Variants in TMTC2 observed in about 807,000 individuals in gnomAD.
TMTC2 encodes the protein protein O-mannosyl-transferase TMTC2.
Under a neutral mutation model 82.4 loss-of-function variants are expected in TMTC2, and 43 were observed. That is an observed-to-expected ratio of 0.52 (90% CI 0.41 to 0.67). The LOEUF (loss-of-function observed/expected upper bound fraction) is 0.67. TMTC2 is among the 30% of genes least tolerant of loss of function. The pLI is 0.00. For missense variants in TMTC2, 919 were observed against 1,012.4 expected (o/e 0.91, Z 1.25); for synonymous variants, 408 against 381.9 (o/e 1.07, Z -0.80).
rs1876818574 is a variant in TMTC2 at position 82,943,209 on chromosome 12, G to T, written c.1598+12664G>T. 3.3e-5 allele frequency among the ~76,000 whole-genome samples: 5 copies of T among 152,280 alleles called. No individual in the cohort carries two copies. In the South Asian group the frequency reaches 1.0e-3, roughly 32 times the overall value. On this transcript the variant is annotated intron_variant, in intron 4 of 11. Transcript: ENST00000321196. Reference sequence around the variant, plus strand: ...CTATATGGGAATCACAAGTTTGTTTGACAAGCTTGTCTCTCAATGTGTTGA... The same window carrying T: ...CTATATGGGAATCACAAGTTTGTTTTACAAGCTTGTCTCTCAATGTGTTGA...
chr12:83,021,531 G>C (rs1880923309), intron 8 of TMTC2, among the ~76,000 whole-genome samples: 1 of 152,080 alleles, frequency 6.6e-6, no homozygotes, highest in South Asian at 2.1e-4. Context: ...GGATTTTAAG[G>C]TTGCAGTGAG....
chr12:82,748,572 G>A (rs1311157076), intron 1 of TMTC2, among the ~76,000 whole-genome samples: 1 of 151,834 alleles, frequency 6.6e-6, no homozygotes, highest in East Asian at 2.0e-4. Context: ...AATGAACTGA[G>A]TGGATTAAAT....
intron 2 of TMTC2, among the ~76,000 whole-genome samples, chr12:82,863,322 A>T (rs1338233095): frequency 1.3e-5 from 2 of 152,150 alleles, no homozygotes. Context: ...ATCCAGATGT[A>T]GCAAGATGCT....
At chr12:82,986,308 G>T in intron 8 of TMTC2, 2 of 393,614 alleles carry the variant, frequency 5.1e-6, no homozygotes, top group Admixed American at 7.2e-5. Context: ...TTACATCTTG[G>T]TCTAGATAAG....
At chr12:82,776,903 A>G (rs1320207039) in intron 1 of TMTC2, among the ~76,000 whole-genome samples, 1 of 152,090 alleles carries the variant, frequency 6.6e-6, no homozygotes, top group African/African-American at 2.4e-5. Context: ...ATGCCACTCT[A>G]CTCCAACCTG....
chr12:83,078,661 A>G (rs1030834354), intron 11 of TMTC2, among the ~76,000 whole-genome samples: 2 of 152,230 alleles, frequency 1.3e-5, no homozygotes, highest in African/African-American at 4.8e-5. Flanking sequence ...TAGAGAATTC[A>G]GTTTCTTAAC....
rs75809895 is a variant in TMTC2, at chr12:82,984,560, C to T, written c.1949-1365C>T. Among the ~76,000 whole-genome samples, 1,024 of 152,160 alleles carry T rather than the reference C, an allele frequency of 6.7e-3. 16 individuals carry two copies. Among genetic ancestry groups the T allele is most frequent in the African/African-American group, 0.024 (980 of 41,510 alleles). On this transcript the variant is annotated intron_variant, in intron 7 of 11. Transcript: ENST00000321196. ...TTCATTTACAAAAAGCCTCTGATTA[C>T]GCCTCTAAAAGAAAAAGCTGTCATG...
At chr12:82,710,179 A>T (rs1290671516) in intron 1 of TMTC2, among the ~76,000 whole-genome samples, 1 of 152,186 alleles carries the variant, frequency 6.6e-6, no homozygotes, top group Non-Finnish European at 1.5e-5. Context: ...CTCACATTTG[A>T]GGTTTACAAG....
At chr12:82,817,953 G>T (rs1418112898) in intron 1 of TMTC2, among the ~76,000 whole-genome samples, 1 of 152,022 alleles carries the variant, frequency 6.6e-6, no homozygotes, top group African/African-American at 2.4e-5. Flanking sequence ...ATCTTGGGTG[G>T]CATTTTCTGT....
chr12:82,774,306 G>A (rs1303190449), intron 1 of TMTC2, among the ~76,000 whole-genome samples: 1 of 152,062 alleles, frequency 6.6e-6, no homozygotes, highest in African/African-American at 2.4e-5. Context: ...TGTGATAGAA[G>A]TTTATTTCTT....
At chr12:82,841,733 A>G (rs1259099211) in intron 1 of TMTC2, among the ~76,000 whole-genome samples, 1 of 152,182 alleles carries the variant, frequency 6.6e-6, no homozygotes, top group Non-Finnish European at 1.5e-5. Context: ...CTGAAAAGGG[A>G]TGCAGGCAGC....
intron 8 of TMTC2, among the ~76,000 whole-genome samples, chr12:83,012,110 T>A (rs1469149073): frequency 6.6e-6 from 1 of 152,192 alleles, no homozygotes; most frequent in African/African-American, 2.4e-5. Flanking sequence ...TCTCTCTTAT[T>A]ATTAACTATT....
At chr12:82,837,467 C>G (rs546585979) in intron 1 of TMTC2, among the ~76,000 whole-genome samples, 1 of 152,038 alleles carries the variant, frequency 6.6e-6, no homozygotes, top group Admixed American at 6.6e-5. Flanking sequence ...AAAAAGGTTA[C>G]GATGATGACC....
intron 1 of TMTC2, among the ~76,000 whole-genome samples, chr12:82,743,321 A>G (rs1462067485): frequency 1.3e-5 from 2 of 151,944 alleles, no homozygotes; most frequent in African/African-American, 4.8e-5. Context: ...CGTTCCTGTA[A>G]TCATAGCTAC....
chr12:82,946,423 C>T (rs929221888), intron 4 of TMTC2, among the ~76,000 whole-genome samples: 5 of 152,140 alleles, frequency 3.3e-5, no homozygotes, highest in African/African-American at 1.2e-4. Flanking sequence ...CTCTCTTTCT[C>T]CCTTCTTCTC....
intron 3 of TMTC2, among the ~76,000 whole-genome samples, chr12:82,906,957 T>A (rs1009025813): frequency 3.3e-5 from 5 of 152,104 alleles, no homozygotes; most frequent in African/African-American, 4.8e-5. Context: ...ATCTTCTCTA[T>A]TGAGTAGAAA....
At chr12:82,743,330 A>G (rs1433751741) in intron 1 of TMTC2, among the ~76,000 whole-genome samples, 1 of 151,734 alleles carries the variant, frequency 6.6e-6, no homozygotes, top group Non-Finnish European at 1.5e-5. Context: ...AATCATAGCT[A>G]CTCGGTAGGC....
chr12:83,040,907 ATC>A (rs1382669448), intron 9 of TMTC2, among the ~76,000 whole-genome samples: 5 of 151,980 alleles, frequency 3.3e-5, no homozygotes, highest in African/African-American at 9.7e-5. Flanking sequence ...GATGGTCTCG[ATC>A]TCTTGACCTC....
chr12:82,886,257 G>A (rs777895665), intron 2 of TMTC2, among the ~76,000 whole-genome samples: 7 of 152,096 alleles, frequency 4.6e-5, no homozygotes, highest in Non-Finnish European at 7.4e-5. Context: ...TATATTTTCT[G>A]TTCCAGTCCT....
Sources: allele counts gnomAD v4.1 joint callset (sites outside exome capture counted in the v4.1 genomes callset), GRCh38; gene constraint gnomAD v4.1.1; transcripts MANE v1.5; gene names NCBI Gene and HGNC (gene_info 2026-07-23, HGNC 2026-07-21).